The following GPAM variants were observed in gnomAD, a reference collection of about 807,000 sequenced individuals.
GPAM encodes glycerol-3-phosphate acyltransferase 1, mitochondrial.
In GPAM, 56 loss-of-function variants were observed where a neutral mutation model predicts 105.0. The ratio of observed to expected loss-of-function variants is 0.53; its 90% confidence interval spans 0.43 to 0.67. The LOEUF (loss-of-function observed/expected upper bound fraction) is 0.67, where lower values mean the gene tolerates loss of function less well. Ranked by LOEUF, GPAM falls within the 30% of genes least tolerant of loss-of-function variation. The probability of loss-of-function intolerance (pLI) is 0.00; values close to 1 mark genes in which losing one functional copy is unlikely to be tolerated. For synonymous variants in GPAM, 368 were observed against 354.4 expected (o/e 1.04, Z -0.43); for missense variants, 855 against 989.8 (o/e 0.86, Z 1.83).
At position 112,172,195 on chromosome 10, in the gene GPAM, T is replaced by C; in HGVS notation, c.781A>G (p.Ile261Val). The change falls in exon 9 of 22, where the codon ATC (isoleucine) becomes GTC (valine). Residue 261 changes from isoleucine to valine, a missense_variant. Transcript: ENST00000348367. ...PYIASGNNLN[I>V]PIFSTLIHKL... ...AGCTCATCTTACCTGAAGATTGGGA[T>C]GTTGAGATTATTGCCTGAAGCAATG... 6.2e-7 allele frequency: 1 copy of C among 1,607,844 alleles called. No homozygotes were observed. The highest frequency in any genetic ancestry group is 1.3e-5 in the African/African-American group (1 of 74,902).
intron 17 of GPAM, among the ~76,000 whole-genome samples, chr10:112,159,367 G>T (rs7899096): frequency 0.7 from 105,613 of 151,146 alleles, 36,994 homozygotes; most frequent in South Asian, 0.83. Context: ...ACTACAGGCA[G>T]GTGCTACTAC....
At chr10:112,201,366 T>C (rs934311947) in intron 1 of GPAM, among the ~76,000 whole-genome samples, 3 of 152,250 alleles carry the variant, frequency 2.0e-5, no homozygotes, top group Non-Finnish European at 4.4e-5. Flanking sequence ...TGCTCTTTCA[T>C]GGTCTCAGCT....
chr10:112,215,361 CG>C (rs1364000851), exon 1 of GPAM: 1 of 152,230 alleles, frequency 6.6e-6, no homozygotes, highest in Non-Finnish European at 1.5e-5. Context: ...AGAGTCCCCC[CG>C]CAGCAGCAAA....
upstream of GPAM, among the ~76,000 whole-genome samples, chr10:112,186,982 A>C (rs1408041763): frequency 6.6e-6 from 1 of 152,248 alleles, no homozygotes; most frequent in Non-Finnish European, 1.5e-5. Context: ...ATTCTGTTGT[A>C]AGATTCTTAT....
intron 1 of GPAM, among the ~76,000 whole-genome samples, chr10:112,211,545 C>T (rs1847911253): frequency 6.6e-6 from 1 of 152,160 alleles, no homozygotes; most frequent in African/African-American, 2.4e-5. Context: ...GAAACTAGGT[C>T]CTCTGTTCTT....
rs1332078220 is a variant in GPAM, at chr10:112,181,709, G to A, written c.76C>T (p.Arg26Ter). 8 of 1,604,698 alleles carry A rather than the reference G, an allele frequency of 5.0e-6. No homozygotes were observed. Among genetic ancestry groups the A allele is most frequent in the Admixed American group, 1.7e-5 (1 of 59,990 alleles). The change falls in exon 3 of 22, where the codon CGA becomes TGA. Residue 26 changes from arginine (R) to a stop codon, truncating the protein, a stop_gained. Coordinates refer to ENST00000348367, the MANE Select transcript of GPAM (RefSeq NM_001244949.2). LOFTEE classifies it high-confidence loss of function. Reference sequence around the variant, plus strand: ...CATTCCTCACTTGTGTGCTTACATCGACCAACACTGTATTCTGATGAATGT... The same window carrying A: ...CATTCCTCACTTGTGTGCTTACATCAACCAACACTGTATTCTGATGAATGT... ...LPHSSEYSVG[R>*]CKHTSEEWGE...
In GPAM at chr10:112,163,747, G is replaced by T; in HGVS notation, c.1377C>A (p.Ser459=). 3.7e-6 allele frequency: 6 copies of T among 1,601,556 alleles called. No homozygotes were observed. In the South Asian group the frequency reaches 5.5e-5, roughly 15 times the overall value. ...INESRNATDE[S]LRRRLIANLA... ...GATTTGCAATCAACCTCCTTCGTAGGGATTCATCTGTTGCATTTCTGGACT... is the reference window on the plus strand; with the variant it reads ...GATTTGCAATCAACCTCCTTCGTAGTGATTCATCTGTTGCATTTCTGGACT... The change falls in exon 14 of 22, where the codon TCC becomes TCA. Residue 459 remains serine (S), a synonymous_variant. Transcript: ENST00000348367.
intron 1 of GPAM, among the ~76,000 whole-genome samples, chr10:112,211,222 C>T (rs1048322406): frequency 6.6e-6 from 1 of 152,154 alleles, no homozygotes; most frequent in African/African-American, 2.4e-5. Flanking sequence ...CTCCTGCCGT[C>T]CTTGAGTTTG....
At position 112,149,941 on chromosome 10, in the gene GPAM, CA is replaced by C; in HGVS notation, c.*3608del. 1.0e-6 allele frequency: 1 copy of C among 985,772 alleles called. No individual in the cohort carries two copies. The allele number at this position is 985,772 out of a possible 1,614,324, so 61.1% of individuals were successfully genotyped here. On this transcript the variant is annotated 3_prime_UTR_variant, in exon 22 of 22. Transcript: ENST00000348367. ...GCAATACACTAACAAGCATAAAAAT[CA>C]ATCAGCATTTCCAAGTATGTTTTGC... is the stretch of plus-strand genomic sequence containing the variant.
Position 112,152,258 on chromosome 10 carries a change from T to C in GPAM, c.*1292A>G. The C allele has an allele frequency of 1.0e-6, 1 of 979,198 alleles. No homozygotes were observed. The highest frequency in any genetic ancestry group is 1.2e-6 in the Non-Finnish European group (1 of 824,450). The allele number at this position is 979,198 out of a possible 1,614,324, so 60.7% of individuals were successfully genotyped here. A position where few individuals can be genotyped will look rare whatever the true frequency, so the allele number is the denominator to read the frequency against. ...AAAACGTTTTAACATTACATGATAT[T>C]TAAAAAATCACCATAATTACCATAA... is the stretch of plus-strand genomic sequence containing the variant. On this transcript the variant is annotated 3_prime_UTR_variant, in exon 22 of 22. Transcript: ENST00000348367.
At chr10:112,219,127 G>A (rs1847997211), upstream of GPAM, among the ~76,000 whole-genome samples, 1 of 152,136 alleles carries the variant, frequency 6.6e-6, no homozygotes, top group Admixed American at 6.5e-5. Context: ...TCTGACTCAG[G>A]GACGACAAAT....
intron 17 of GPAM, 141 bp from the exon 18 acceptor site, chr10:112,158,534 C>A: frequency 2.9e-6 from 2 of 683,372 alleles, no homozygotes; most frequent in Non-Finnish European, 2.7e-6. Context: ...CTGTGATTCC[C>A]AGTGCCCACT....
the GPAM span, among the ~76,000 whole-genome samples, chr10:112,227,372 T>A: frequency 6.6e-6 from 1 of 152,216 alleles, no homozygotes; most frequent in Non-Finnish European, 1.5e-5. Flanking sequence ...GTTTTCACTG[T>A]TCTGTTCTTT....
At chr10:112,165,911 G>A (rs1391796172) in intron 12 of GPAM, among the ~76,000 whole-genome samples, 3 of 151,176 alleles carry the variant, frequency 2.0e-5, no homozygotes, top group East Asian at 1.9e-4. Flanking sequence ...ACATATTTTG[G>A]GGTACATGTG....
At position 112,215,281 on chromosome 10, in the gene GPAM, G is replaced by T. The variant is rs554089859; in HGVS notation, n.97C>A. ...GGCTGTGGGTGAATAAGCAAGGTCT[G>T]GTTCCTCTGGGTGCCTGTTTGCACG... On this transcript the variant is annotated non_coding_transcript_exon_variant, in exon 1 of 4. Coordinates refer to the GPAM transcript ENST00000480130. The T allele has an allele frequency of 6.1e-4, 93 of 152,350 alleles. 1 individual carries two copies. The highest frequency in any genetic ancestry group is 2.1e-3 in the African/African-American group (89 of 41,578). The allele number at this position is 152,350 out of a possible 1,614,324, so 9.4% of individuals were successfully genotyped here.
At chr10:112,183,828 GCGGGGCCCGGCCTGCGAGCCTC>G (rs1246582841), upstream of GPAM, 1 of 152,330 alleles carries the variant, frequency 6.6e-6, no homozygotes, top group Non-Finnish European at 1.5e-5. Flanking sequence ...AGCGCCGGGG[GCGGGGCCCGGCCTGCGAGCCTC>G]AGGGAGCGTG....
At chr10:112,212,782 C>T (rs1847926626) in intron 1 of GPAM, among the ~76,000 whole-genome samples, 1 of 152,220 alleles carries the variant, frequency 6.6e-6, no homozygotes, top group Admixed American at 6.5e-5. Flanking sequence ...GGTAATCCCT[C>T]TACCTCATAA....
intron 19 of GPAM, 122 bp from the exon 20 acceptor site, chr10:112,156,175 A>G (rs1037378471): frequency 1.4e-6 from 1 of 715,900 alleles, no homozygotes; most frequent in Non-Finnish European, 2.5e-6. Flanking sequence ...CATCAGCACT[A>G]CATGAAAGCG....
At chr10:112,202,011 G>C (rs966960487) in intron 1 of GPAM, among the ~76,000 whole-genome samples, 7 of 152,206 alleles carry the variant, frequency 4.6e-5, no homozygotes, top group Non-Finnish European at 8.8e-5. Context: ...GTACAGGTTA[G>C]GTTTTGCAGA....
Sources: gnomAD v4.1 joint callset for allele counts (sites outside exome capture counted in the v4.1 genomes callset) on GRCh38, gnomAD v4.1.1 for gene constraint, MANE v1.5 for transcripts, NCBI Gene and HGNC (gene_info 2026-07-23, HGNC 2026-07-21) for gene names.